Variants in RANBP2 observed in about 807,000 individuals in gnomAD.
RANBP2 encodes E3 SUMO-protein ligase RanBP2.
Under a neutral mutation model 303.6 loss-of-function variants are expected in RANBP2, and 57 were observed. That is an observed-to-expected ratio of 0.19 (90% CI 0.15 to 0.23). The LOEUF (loss-of-function observed/expected upper bound fraction) is 0.23, where lower values mean the gene tolerates loss of function less well. Among genes scored for constraint, RANBP2 ranks in the 10% least tolerant of loss-of-function variants. The probability of loss-of-function intolerance (pLI) is 1.00; values close to 1 mark genes in which losing one functional copy is unlikely to be tolerated. For synonymous variants in RANBP2, 1,167 were observed against 1,301.5 expected, an observed-to-expected ratio of 0.90 and a Z score of 2.23; for missense variants, 3,138 against 3,780.8, an observed-to-expected ratio of 0.83 and a Z score of 4.46.
At chr2:108,859,420 AT>A in the RANBP2 span, among the ~76,000 whole-genome samples, 1 of 152,078 alleles carries the variant, frequency 6.6e-6, no homozygotes, top group Non-Finnish European at 1.5e-5. Flanking sequence ...CCAGTTGTCA[AT>A]TTTTATTTTT....
At chr2:109,269,638 G>A in the RANBP2 span, among the ~76,000 whole-genome samples, 2 of 152,124 alleles carry the variant, frequency 1.3e-5, no homozygotes, top group Admixed American at 1.3e-4. Flanking sequence ...AAAAATAGCC[G>A]GACATGGTGG....
At chr2:109,615,337 T>TGG in the RANBP2 span, 1 of 1,612,050 alleles carries the variant, frequency 6.2e-7, no homozygotes, top group Non-Finnish European at 8.5e-7. Flanking sequence ...TGGGACAGCC[T>TGG]GGAGGGCTTG....
the RANBP2 span, among the ~76,000 whole-genome samples, chr2:109,725,286 C>G: frequency 1.3e-5 from 2 of 152,190 alleles, no homozygotes; most frequent in African/African-American, 4.8e-5. Flanking sequence ...AAGTGTACTC[C>G]TGGATGCCTG....
At chr2:109,678,939 G>A in the RANBP2 span, among the ~76,000 whole-genome samples, 5 of 152,172 alleles carry the variant, frequency 3.3e-5, no homozygotes, top group East Asian at 1.9e-4. Context: ...GGAAGGAGGC[G>A]CTGCCCACAC....
chr2:109,641,867 G>A, the RANBP2 span, among the ~76,000 whole-genome samples: 1 of 152,120 alleles, frequency 6.6e-6, no homozygotes, highest in African/African-American at 2.4e-5. Flanking sequence ...GTACAATGGT[G>A]CAATCTCCAT....
Position 108,764,921 on chromosome 2 carries a change from A to G in RANBP2, c.4382A>G (p.Gln1461Arg). The change falls in exon 20 of 29, where the codon CAG (glutamine) becomes CGG (arginine). Residue 1461 changes from glutamine (Q) to arginine (R), a missense_variant. Coordinates refer to ENST00000283195, the MANE Select transcript of RANBP2 (RefSeq NM_006267.5). ...FVHQASFKFG[Q>R]GDLPKPINSD... Reference sequence around the variant, plus strand: ...CATCAAGCTTCATTTAAATTTGGCCAGGGAGATCTTCCTAAACCTATTAAC... The same window carrying G: ...CATCAAGCTTCATTTAAATTTGGCCGGGGAGATCTTCCTAAACCTATTAAC... 2 of 1,614,096 alleles carry G rather than the reference A, an allele frequency of 1.2e-6. No homozygotes were observed. The highest frequency in any genetic ancestry group is 1.7e-6 in the Non-Finnish European group (2 of 1,179,972).
At chr2:109,618,472 A>G in the RANBP2 span, 1 of 167,106 alleles carries the variant, frequency 6.0e-6, no homozygotes, top group Non-Finnish European at 1.5e-5. Context: ...TGAAGGCTTT[A>G]ACTTTTCTGA....
At chr2:109,083,927 C>T in the RANBP2 span, among the ~76,000 whole-genome samples, 1 of 152,154 alleles carries the variant, frequency 6.6e-6, no homozygotes, top group Non-Finnish European at 1.5e-5. Flanking sequence ...GTCCAGTAGC[C>T]AATCAGCTGC....
the RANBP2 span, among the ~76,000 whole-genome samples, chr2:109,539,020 C>T: frequency 6.6e-6 from 1 of 152,152 alleles, no homozygotes; most frequent in Non-Finnish European, 1.5e-5. Flanking sequence ...AATATTTTGG[C>T]TGGGAGCGGT....
At chr2:109,304,240 A>T in the RANBP2 span, among the ~76,000 whole-genome samples, 46 of 151,828 alleles carry the variant, frequency 3.0e-4, no homozygotes, top group African/African-American at 1.1e-3. Flanking sequence ...TTGGACCAAC[A>T]CCTCCCCATT....
chr2:109,245,688 C>T, the RANBP2 span, among the ~76,000 whole-genome samples: 1 of 152,120 alleles, frequency 6.6e-6, no homozygotes, highest in Admixed American at 6.5e-5. Flanking sequence ...GTTAAGATTT[C>T]TCTCTGAAAT....
the RANBP2 span, among the ~76,000 whole-genome samples, chr2:108,914,693 A>T: frequency 3.9e-5 from 6 of 152,228 alleles, no homozygotes. Flanking sequence ...CTTCAAATGC[A>T]TCTCCCACTC....
the RANBP2 span, among the ~76,000 whole-genome samples, chr2:109,170,243 T>TC: frequency 0.06 from 675 of 11,344 alleles, 12 homozygotes; most frequent in Admixed American, 0.087. Flanking sequence ...TCTTCTTTTC[T>TC]TTTCTCTTCT....
intron 14 of RANBP2, 69 bp from the exon 15 acceptor site, chr2:108,753,756 A>G: frequency 6.2e-7 from 1 of 1,611,010 alleles, no homozygotes; most frequent in Non-Finnish European, 8.5e-7. Context: ...ATGAGCCACC[A>G]TGCGTGGCCA....
chr2:109,572,685 C>T, the RANBP2 span, among the ~76,000 whole-genome samples: 1 of 144,036 alleles, frequency 6.9e-6, no homozygotes, highest in Non-Finnish European at 1.5e-5. Context: ...GGTGCAATCT[C>T]GGATTACCAC....
the RANBP2 span, chr2:108,884,371 T>C: frequency 6.6e-6 from 1 of 152,196 alleles, no homozygotes; most frequent in African/African-American, 2.4e-5. Context: ...AGCAGTGTAA[T>C]TCCACAAGGC....
chr2:109,398,714 T>G, the RANBP2 span: 2 of 1,612,918 alleles, frequency 1.2e-6, no homozygotes, highest in Non-Finnish European at 1.7e-6. Context: ...AGTCCCACTT[T>G]AAGCAGCTCA....
the RANBP2 span, chr2:109,733,070 C>A: frequency 1.8e-6 from 1 of 552,586 alleles, no homozygotes; most frequent in Non-Finnish European, 3.6e-6. Context: ...GTCTTGTAGC[C>A]GGAGCAGGTC....
chr2:109,125,297 A>T, the RANBP2 span, among the ~76,000 whole-genome samples: 4 of 152,124 alleles, frequency 2.6e-5, no homozygotes, highest in Non-Finnish European at 5.9e-5. Flanking sequence ...ACCTTAGCAG[A>T]GTTGGTGGGG....
Sources: allele counts gnomAD v4.1 joint callset (sites outside exome capture counted in the v4.1 genomes callset), GRCh38; gene constraint gnomAD v4.1.1; transcripts MANE v1.5; gene names NCBI Gene and HGNC (gene_info 2026-07-23, HGNC 2026-07-21).